Variants in SGCZ observed in about 807,000 individuals in gnomAD.
The protein encoded by SGCZ is zeta-sarcoglycan.
SGCZ carries 40 observed loss-of-function variants against 41.3 expected under a neutral mutation model. The ratio of observed to expected loss-of-function variants is 0.97; its 90% CI spans 0.75 to 1.26. The LOEUF (loss-of-function observed/expected upper bound fraction) is 1.26, where lower values mean the gene tolerates loss of function less well. SGCZ is among the 50% of genes most tolerant of loss of function. The pLI is 0.00. For synonymous variants in SGCZ, 206 were observed against 137.5 expected (o/e 1.50, Z -3.49); for missense variants, 552 against 369.8 (o/e 1.49, Z -4.04).
At chr8:15,229,238 T>G (rs117142849) in intron 1 of SGCZ, among the ~76,000 whole-genome samples, 2 of 152,122 alleles carry the variant, frequency 1.3e-5, no homozygotes, top group African/African-American at 4.8e-5. Flanking sequence ...AGAAGAGATG[T>G]GAAATACTGA....
intron 1 of SGCZ, among the ~76,000 whole-genome samples, chr8:14,850,177 T>C (rs781707784): frequency 3.3e-5 from 5 of 152,228 alleles, no homozygotes; most frequent in Non-Finnish European, 7.3e-5. Context: ...ATTATCTCAG[T>C]GTTAAATTTC....
At chr8:14,305,706 T>G (rs1801327905) in intron 3 of SGCZ, among the ~76,000 whole-genome samples, 1 of 152,200 alleles carries the variant, frequency 6.6e-6, no homozygotes, top group Non-Finnish European at 1.5e-5. Context: ...TTCCCATCGC[T>G]GTATTTCCCT....
chr8:15,155,901 A>G (rs561075349), intron 1 of SGCZ, among the ~76,000 whole-genome samples: 1 of 152,110 alleles, frequency 6.6e-6, no homozygotes, highest in African/African-American at 2.4e-5. Context: ...CTACTAAAAT[A>G]CAAAAAATCA....
In SGCZ at chr8:14,539,271, C is replaced by A. The variant is rs922182182; in HGVS notation, c.234+15461G>T. ...GCCTCTAATACAAAACCATGTGAAC[C>A]AATTCTGTAACATCTCTCCTTGTCT... is the stretch of plus-strand genomic sequence containing the variant. On this transcript the variant is annotated intron_variant, in intron 2 of 7. Coordinates refer to ENST00000382080, the MANE Select transcript of SGCZ (RefSeq NM_139167.4). 3.9e-5 allele frequency among the ~76,000 whole-genome samples: 6 copies of A among 151,904 alleles called. 1 individual carries two copies. The highest frequency in any genetic ancestry group is 1.3e-4 in the Admixed American group (2 of 15,196).
chr8:15,123,260 C>A (rs987118537), intron 1 of SGCZ, among the ~76,000 whole-genome samples: 4 of 152,130 alleles, frequency 2.6e-5, no homozygotes, highest in Non-Finnish European at 4.4e-5. Context: ...TTCTTCAGTT[C>A]TTTTTCCTTG....
chr8:15,149,346 A>C (rs1196899624), intron 1 of SGCZ, among the ~76,000 whole-genome samples: 2 of 152,180 alleles, frequency 1.3e-5, no homozygotes, highest in African/African-American at 4.8e-5. Flanking sequence ...TAAAAAGCTC[A>C]CAGGACAGAA....
chr8:14,362,086 G>C (rs1435583574), intron 2 of SGCZ, among the ~76,000 whole-genome samples: 1 of 152,148 alleles, frequency 6.6e-6, no homozygotes, highest in Admixed American at 6.5e-5. Context: ...CTGCCTGTTT[G>C]AGGTGTCTGT....
At chr8:14,644,650 T>G (rs1055382677) in intron 1 of SGCZ, among the ~76,000 whole-genome samples, 1 of 151,762 alleles carries the variant, frequency 6.6e-6, no homozygotes, top group African/African-American at 2.4e-5. Flanking sequence ...AATGTGTTCT[T>G]TTTCTGTCAT....
chr8:15,057,040 T>C (rs1211578846), intron 1 of SGCZ, among the ~76,000 whole-genome samples: 1 of 152,204 alleles, frequency 6.6e-6, no homozygotes, highest in Non-Finnish European at 1.5e-5. Flanking sequence ...ACAGCCATGA[T>C]GGATGTGTGG....
intron 1 of SGCZ, among the ~76,000 whole-genome samples, chr8:14,602,929 C>A (rs914513412): frequency 6.6e-6 from 1 of 152,152 alleles, no homozygotes; most frequent in Non-Finnish European, 1.5e-5. Flanking sequence ...GATAAGCAAG[C>A]CATGATTGTC....
At chr8:14,219,567 T>C (rs574598170) in intron 4 of SGCZ, among the ~76,000 whole-genome samples, 2 of 152,196 alleles carry the variant, frequency 1.3e-5, no homozygotes, top group African/African-American at 4.8e-5. Context: ...GCCAACATGA[T>C]GAAACCCCGT....
At chr8:15,115,605 G>C (rs1807239351) in intron 1 of SGCZ, among the ~76,000 whole-genome samples, 1 of 152,178 alleles carries the variant, frequency 6.6e-6, no homozygotes, top group Non-Finnish European at 1.5e-5. Flanking sequence ...TATCATCGGG[G>C]TTCTTAGAGA....
intron 2 of SGCZ, among the ~76,000 whole-genome samples, chr8:14,378,991 T>C (rs940888541): frequency 2.0e-5 from 3 of 152,218 alleles, no homozygotes; most frequent in African/African-American, 7.2e-5. Flanking sequence ...TTACGTAATA[T>C]AATACCTTTA....
At chr8:15,159,718 C>CT (rs1487458744) in intron 1 of SGCZ, among the ~76,000 whole-genome samples, 29 of 41,712 alleles carry the variant, frequency 7.0e-4, no homozygotes, top group African/African-American at 2.3e-3. Flanking sequence ...TTGTTCCCCC[C>CT]TCCCTCGCCC....
chr8:14,694,134 CAG>C (rs1312822498), intron 1 of SGCZ, among the ~76,000 whole-genome samples: 1 of 152,048 alleles, frequency 6.6e-6, no homozygotes, highest in Non-Finnish European at 1.5e-5. Flanking sequence ...GTATGAAAAA[CAG>C]AGGGTAAATA....
At chr8:14,097,243 T>C (rs1801874037) in intron 7 of SGCZ, among the ~76,000 whole-genome samples, 1 of 152,188 alleles carries the variant, frequency 6.6e-6, no homozygotes, top group Non-Finnish European at 1.5e-5. Context: ...GTGCTATAAA[T>C]TTCCCTCTAC....
At chr8:14,928,732 A>G (rs1044181304) in intron 1 of SGCZ, among the ~76,000 whole-genome samples, 6 of 152,196 alleles carry the variant, frequency 3.9e-5, no homozygotes, top group African/African-American at 1.4e-4. Context: ...ATTGCTATAA[A>G]TGTTAAAAGC....
chr8:14,451,321 A>G (rs1222781607), intron 2 of SGCZ, among the ~76,000 whole-genome samples: 1 of 152,222 alleles, frequency 6.6e-6, no homozygotes, highest in Non-Finnish European at 1.5e-5. Context: ...ATCTTAGAAT[A>G]GAAAAGATGC....
intron 2 of SGCZ, among the ~76,000 whole-genome samples, chr8:14,447,150 G>C (rs1800456098): frequency 1.3e-5 from 2 of 152,066 alleles, no homozygotes; most frequent in South Asian, 4.1e-4. Context: ...AATTTTCAAA[G>C]CACTAAGCTT....
Sources: gnomAD v4.1 joint callset for allele counts (sites outside exome capture counted in the v4.1 genomes callset) on GRCh38, gnomAD v4.1.1 for gene constraint, MANE v1.5 for transcripts, NCBI Gene and HGNC (gene_info 2026-07-23, HGNC 2026-07-21) for gene names.